Variants in CNTRL observed in about 807,000 individuals in gnomAD.
The protein encoded by CNTRL is 110 kDa centrosomal protein.
In CNTRL, 233 loss-of-function variants were observed where a neutral mutation model predicts 303.7. The ratio of observed to expected loss-of-function variants is 0.77; its 90% CI spans 0.69 to 0.86. CNTRL has a LOEUF of 0.86. Among genes scored for constraint, CNTRL ranks in the 40% least tolerant of loss-of-function variants. CNTRL has a pLI of 0.00. For missense variants in CNTRL, 2,524 were observed against 2,650.6 expected (o/e 0.95, Z 1.05); for synonymous variants, 900 against 922.2 (o/e 0.98, Z 0.44).
chr9:121,091,462 A>G (rs1215932250), intron 4 of CNTRL, among the ~76,000 whole-genome samples: 1 of 152,210 alleles, frequency 6.6e-6, no homozygotes, highest in African/African-American at 2.4e-5. Context: ...TACTAACCCT[A>G]GTACCACAAA....
intron 15 of CNTRL, among the ~76,000 whole-genome samples, chr9:121,136,569 C>T (rs2051208922): frequency 6.6e-6 from 1 of 152,164 alleles, no homozygotes; most frequent in African/African-American, 2.4e-5. Context: ...CCTCAGCCTC[C>T]CAAAGTGCTG....
chr9:121,150,147 C>A (rs762346665), intron 24 of CNTRL, 23 bp from the exon 25 acceptor site: 2 of 1,567,328 alleles, frequency 1.3e-6, no homozygotes, highest in Admixed American at 3.7e-5. Flanking sequence ...GTTGAATAAA[C>A]TCTTCTGTTT....
chr9:121,148,772 G>A lies in CNTRL; in HGVS notation c.3560G>A (p.Gly1187Glu), dbSNP rs1338852311. ...VRKPRPGQQDGKEGSQPPPAS... is the reference protein window; with the variant it reads ...VRKPRPGQQDEKEGSQPPPAS... ...AAACCACGCCCTGGGCAGCAGGATG[G>A]GAAGGAAGGCAGTCAACCTCCCCCT... is the stretch of plus-strand genomic sequence containing the variant. Residue 1187 changes from glycine (G) to glutamate (E), a missense_variant, in exon 24 of 44, where the codon GGG becomes GAG. Gly to Glu is a moderately conservative substitution (Grantham distance 98). Transcript: ENST00000373855. 2 of 1,614,080 alleles carry A rather than the reference G, an allele frequency of 1.2e-6. No homozygotes were observed. The highest frequency in any genetic ancestry group is 2.2e-5 in the South Asian group (2 of 91,076).
chr9:121,175,057 T>C lies in CNTRL; in HGVS notation c.6787T>C (p.Leu2263=). 6.2e-7 allele frequency: 1 copy of C among 1,613,758 alleles called. No individual in the cohort carries two copies. Residue 2263 remains leucine (L), a synonymous_variant, in exon 43 of 44, where the codon TTA becomes CTA. Transcript: ENST00000373855. ...RHCMSKQAEV[L]IKGKRQTEGT... ...CTGTATGTCCAAGCAAGCAGAAGTA[T>C]TAATTAAAGGAAAGCGGCAGACAGA...
intron 14 of CNTRL, among the ~76,000 whole-genome samples, chr9:121,129,806 G>C (rs900625024): frequency 7.2e-5 from 11 of 152,014 alleles, no homozygotes; most frequent in African/African-American, 9.6e-5. Flanking sequence ...TGAGATACGT[G>C]CCATCAATAC....
At chr9:121,146,086 A>G (rs1023393533) in intron 22 of CNTRL, 22 bp from the exon 23 acceptor site, 9 of 1,573,686 alleles carry the variant, frequency 5.7e-6, no homozygotes, top group African/African-American at 1.4e-5. Flanking sequence ...TATCAATTTC[A>G]TAGAATGACT....
At position 121,162,105 on chromosome 9, in the gene CNTRL, G is replaced by C; in HGVS notation, c.5257G>C (p.Glu1753Gln). The change falls in exon 34 of 44, where the codon GAA becomes CAA. Residue 1753 changes from glutamate (E) to glutamine (Q), a missense_variant. Transcript: ENST00000373855. ...LQQISQQQKG[E>Q]IEWQKQLLER... is the part of the protein sequence containing the mutation. The stretch of plus-strand genomic sequence containing the variant: ...GCAGATATCCCAGCAGCAGAAAGGG[G>C]AAATAGAGTGGCAGAAGCAGCTCCT... 1.2e-6 allele frequency: 2 copies of C among 1,614,210 alleles called. No individual in the cohort carries two copies. Among genetic ancestry groups the C allele is most frequent in the Non-Finnish European group, 1.7e-6 (2 of 1,180,036 alleles).
At chr9:121,109,318 C>T (rs1029885191) in intron 8 of CNTRL, among the ~76,000 whole-genome samples, 1 of 152,176 alleles carries the variant, frequency 6.6e-6, no homozygotes, top group Non-Finnish European at 1.5e-5. Flanking sequence ...GTTGAATCCA[C>T]AGATGCAGAA....
rs372485353 is a variant in CNTRL at position 121,098,522 on chromosome 9, A to G, written c.758A>G (p.Gln253Arg). 1 of 1,613,850 alleles carries G rather than the reference A, an allele frequency of 6.2e-7. No homozygotes were observed. The highest frequency in any genetic ancestry group is 8.5e-7 in the Non-Finnish European group (1 of 1,179,868). The change falls in exon 7 of 44, where the codon CAG becomes CGG. Residue 253 changes from glutamine to arginine, a missense_variant. Coordinates refer to ENST00000373855, the MANE Select transcript of CNTRL (RefSeq NM_007018.6). The part of the protein sequence containing the change: ...HLRSLESLEG[Q>R]PVTTQDRQEA... Reference sequence around the variant, plus strand: ...CGTTCATTGGAAAGTTTGGAAGGTCAGCCAGTAACCACTCAGGATAGACAG... The same window carrying G: ...CGTTCATTGGAAAGTTTGGAAGGTCGGCCAGTAACCACTCAGGATAGACAG...
chr9:121,173,610 G>C, intron 41 of CNTRL, 65 bp from the exon 42 acceptor site: 1 of 1,611,118 alleles, frequency 6.2e-7, no homozygotes, highest in Admixed American at 1.7e-5. Flanking sequence ...GGGAGGGAAA[G>C]GCTGGTTGGC....
At chr9:121,089,224 T>C (rs763685019) in intron 3 of CNTRL, among the ~76,000 whole-genome samples, 2 of 152,234 alleles carry the variant, frequency 1.3e-5, no homozygotes, top group African/African-American at 2.4e-5. Context: ...TTGATTAATA[T>C]TTTAGAATGT....
At chr9:121,150,025 T>G in intron 24 of CNTRL, 145 bp from the exon 25 acceptor site, 1 of 554,474 alleles carries the variant, frequency 1.8e-6, no homozygotes, top group Non-Finnish European at 3.0e-6. Context: ...AAAAATAGTT[T>G]TGACCTTTTT....
At chr9:121,147,545 G>A (rs2051951578) in intron 23 of CNTRL, among the ~76,000 whole-genome samples, 1 of 152,214 alleles carries the variant, frequency 6.6e-6, no homozygotes, top group African/African-American at 2.4e-5. Flanking sequence ...TGGGAAAGAG[G>A]AGATGAGATT....
intron 7 of CNTRL, among the ~76,000 whole-genome samples, chr9:121,099,685 T>G (rs2049051963): frequency 6.6e-6 from 1 of 152,126 alleles, no homozygotes; most frequent in Non-Finnish European, 1.5e-5. Context: ...AATGTCTAAC[T>G]AGAATAAACA....
intron 23 of CNTRL, 41 bp from the exon 24 acceptor site, chr9:121,148,631 C>T: frequency 6.5e-7 from 1 of 1,535,192 alleles, no homozygotes; most frequent in Non-Finnish European, 8.8e-7. Context: ...TCAGCCTTTC[C>T]ATTTATAATA....
At position 121,094,884 on chromosome 9, in the gene CNTRL, T is replaced by G; in HGVS notation, c.349-4T>G. 6.5e-7 allele frequency: 1 copy of G among 1,541,322 alleles called. No homozygotes were observed. Among genetic ancestry groups the G allele is most frequent in the Non-Finnish European group, 8.9e-7 (1 of 1,129,084 alleles). On this transcript the variant is annotated splice_polypyrimidine_tract_variant and splice_region_variant and intron_variant, in intron 4 of 43. Transcript: ENST00000373855. The stretch of plus-strand genomic sequence containing the variant: ...AAAGTATTCATTCATTTGTTTCCAA[T>G]TAGTATATTGAGAATTTGGAAAAAT...
intron 35 of CNTRL, among the ~76,000 whole-genome samples, chr9:121,165,339 T>C (rs780634382): frequency 2.6e-5 from 4 of 152,132 alleles, no homozygotes; most frequent in Non-Finnish European, 4.4e-5. Context: ...ACCTAATTCA[T>C]GTTCCTTAGA....
chr9:121,090,483 C>G, intron 4 of CNTRL, 78 bp downstream of exon 4: 3 of 1,295,468 alleles, frequency 2.3e-6, no homozygotes, highest in Non-Finnish European at 3.2e-6. Context: ...AAAAATTATC[C>G]TAATGTCACC....
At chr9:121,076,546 A>T (rs1036298152) in intron 1 of CNTRL, among the ~76,000 whole-genome samples, 1 of 152,088 alleles carries the variant, frequency 6.6e-6, no homozygotes, top group Non-Finnish European at 1.5e-5. Flanking sequence ...TTCTGGGGTG[A>T]AGAGAGATGA....
Sources: gnomAD v4.1 joint callset for allele counts (sites outside exome capture counted in the v4.1 genomes callset) on GRCh38, gnomAD v4.1.1 for gene constraint, MANE v1.5 for transcripts, NCBI Gene and HGNC (gene_info 2026-07-23, HGNC 2026-07-21) for gene names.